The following SCFD2 variants were observed in gnomAD, a reference collection of about 807,000 sequenced individuals.
The protein encoded by SCFD2 is sec1 family domain-containing protein 2.
In SCFD2, 54 loss-of-function variants were observed where a neutral mutation model predicts 58.9. That is an observed-to-expected ratio of 0.92 (90% CI 0.74 to 1.15). The LOEUF is 1.15. SCFD2 is among the 50% of genes most tolerant of loss of function. The pLI is 0.00. For missense variants in SCFD2, 805 were observed against 836.6 expected (o/e 0.96, Z 0.47); for synonymous variants, 321 against 335.9 (o/e 0.96, Z 0.49).
At chr4:53,238,888 G>A (rs1435870073) in intron 4 of SCFD2, among the ~76,000 whole-genome samples, 56 of 139,342 alleles carry the variant, frequency 4.0e-4, no homozygotes, top group South Asian at 2.4e-3. Flanking sequence ...TGGGCAGCCA[G>A]GCAGAGGGGC....
chr4:53,028,182 G>T (rs896622451), intron 5 of SCFD2, among the ~76,000 whole-genome samples: 2 of 152,042 alleles, frequency 1.3e-5, no homozygotes, highest in African/African-American at 4.8e-5. Flanking sequence ...GGGAGGCGGA[G>T]GTTGCAGTGA....
At chr4:53,141,056 A>G (rs1353011171) in intron 5 of SCFD2, among the ~76,000 whole-genome samples, 1 of 152,224 alleles carries the variant, frequency 6.6e-6, no homozygotes, top group Admixed American at 6.5e-5. Context: ...CTGAAATCCT[A>G]AACATTGTAA....
At chr4:53,066,960 T>C (rs555285262) in intron 5 of SCFD2, among the ~76,000 whole-genome samples, 3 of 152,158 alleles carry the variant, frequency 2.0e-5, no homozygotes, top group African/African-American at 2.4e-5. Context: ...ATTCCTGCCA[T>C]TAAAACCCTA....
At chr4:53,173,821 A>G (rs917150800) in intron 4 of SCFD2, among the ~76,000 whole-genome samples, 2 of 152,154 alleles carry the variant, frequency 1.3e-5, no homozygotes, top group African/African-American at 4.8e-5. Flanking sequence ...ATAACTGCTT[A>G]ACTTTGATCA....
chr4:52,979,064 T>TTG (rs1224210483), intron 5 of SCFD2, among the ~76,000 whole-genome samples: 2 of 112,370 alleles, frequency 1.8e-5, no homozygotes, highest in Admixed American at 1.0e-4. Context: ...AGGCCTTTTT[T>TTG]TGGGGGGGGG....
rs149034746 is a variant in SCFD2, at chr4:52,873,994, C to T, written c.2030G>A (p.Arg677Gln). The change falls in exon 9 of 9, where the codon CGA becomes CAA. Residue 677 changes from arginine to glutamine, a missense_variant. Coordinates refer to ENST00000401642, the MANE Select transcript of SCFD2 (RefSeq NM_152540.4). ...TCAGAAGCCAAGGTCTGGATGCAGT[C>T]GGTCAGTTGCAAATAACAGCTCAGG... ...NIPELLFATD[R>Q]LHPDLGF The T allele has an allele frequency of 7.4e-5, 120 of 1,613,756 alleles. No individual in the cohort carries two copies. Among genetic ancestry groups the T allele is most frequent in the East Asian group, 1.1e-4 (5 of 44,872 alleles).
At chr4:53,107,745 A>G (rs993040472) in intron 5 of SCFD2, among the ~76,000 whole-genome samples, 2 of 152,246 alleles carry the variant, frequency 1.3e-5, no homozygotes, top group African/African-American at 4.8e-5. Context: ...ACAGATCTGC[A>G]AAGAGACTTA....
At chr4:53,044,067 C>T (rs1302431756) in intron 5 of SCFD2, among the ~76,000 whole-genome samples, 1 of 152,146 alleles carries the variant, frequency 6.6e-6, no homozygotes, top group Non-Finnish European at 1.5e-5. Flanking sequence ...CCATTGGCAT[C>T]CTCCTTAGCT....
At chr4:53,253,894 A>T (rs995194550) in intron 4 of SCFD2, among the ~76,000 whole-genome samples, 4 of 137,970 alleles carry the variant, frequency 2.9e-5, no homozygotes, top group African/African-American at 1.2e-4. Flanking sequence ...TATAATTATA[A>T]AAAAAAAAAA....
At chr4:52,952,039 CCA>C (rs1454259084) in intron 5 of SCFD2, among the ~76,000 whole-genome samples, 1 of 152,092 alleles carries the variant, frequency 6.6e-6, no homozygotes, top group Non-Finnish European at 1.5e-5. Context: ...GAGTGGCAGG[CCA>C]CAGAGTGATA....
chr4:53,268,566 G>A (rs1479600017), intron 4 of SCFD2, among the ~76,000 whole-genome samples: 1 of 152,184 alleles, frequency 6.6e-6, no homozygotes, highest in African/African-American at 2.4e-5. Context: ...TAGCAACTCG[G>A]CATAAAGTGT....
At chr4:52,981,181 G>A (rs1289959094) in intron 5 of SCFD2, among the ~76,000 whole-genome samples, 1 of 152,144 alleles carries the variant, frequency 6.6e-6, no homozygotes, top group Non-Finnish European at 1.5e-5. Context: ...CTGCTGATGA[G>A]AATAGTATAA....
Position 53,205,141 on chromosome 4 carries a change from A to G in SCFD2, c.1312-59559T>C, listed in dbSNP as rs73145377. On this transcript the variant is annotated intron_variant, in intron 4 of 8. Coordinates refer to ENST00000401642, the MANE Select transcript of SCFD2 (RefSeq NM_152540.4). Reference sequence around the variant, plus strand: ...CAGGGGATCCAACACAGGGTAGACGAAAAGGGAATCTGCAGAATGACAGTG... The same window carrying G: ...CAGGGGATCCAACACAGGGTAGACGGAAAGGGAATCTGCAGAATGACAGTG... 8.0e-3 allele frequency among the ~76,000 whole-genome samples: 1,216 copies of G among 152,246 alleles called. 26 individuals carry two copies. Among genetic ancestry groups the G allele is most frequent in the African/African-American group, 0.028 (1,150 of 41,496 alleles).
At chr4:53,215,327 A>C (rs912046172) in intron 4 of SCFD2, among the ~76,000 whole-genome samples, 23 of 151,848 alleles carry the variant, frequency 1.5e-4, no homozygotes, top group African/African-American at 2.7e-4. Flanking sequence ...CTTTTATTTC[A>C]TTGAGCAGTG....
intron 5 of SCFD2, among the ~76,000 whole-genome samples, chr4:52,979,798 C>T (rs1721334284): frequency 6.6e-6 from 1 of 151,998 alleles, no homozygotes; most frequent in African/African-American, 2.4e-5. Context: ...GAGTTGATTC[C>T]CCACCCCTCT....
intron 5 of SCFD2, among the ~76,000 whole-genome samples, chr4:53,046,157 C>G (rs879702897): frequency 2.6e-5 from 4 of 152,122 alleles, no homozygotes; most frequent in Non-Finnish European, 5.9e-5. Flanking sequence ...CTTTTCAAAA[C>G]AAATATTCAG....
intron 4 of SCFD2, among the ~76,000 whole-genome samples, chr4:53,248,782 AC>A (rs1730224891): frequency 6.6e-6 from 1 of 152,252 alleles, no homozygotes; most frequent in Non-Finnish European, 1.5e-5. Context: ...CAGAAAGGAC[AC>A]CCACACCAAA....
intron 4 of SCFD2, among the ~76,000 whole-genome samples, chr4:53,195,229 G>T (rs1477694327): frequency 2.0e-5 from 3 of 152,074 alleles, no homozygotes; most frequent in African/African-American, 4.8e-5. Context: ...ACTTAACATT[G>T]GCATGGCATA....
At chr4:52,958,822 A>AGCTC (rs1257800743) in intron 5 of SCFD2, among the ~76,000 whole-genome samples, 138 of 152,328 alleles carry the variant, frequency 9.1e-4, no homozygotes, top group African/African-American at 3.2e-3. Context: ...CTACAGGTAA[A>AGCTC]TACGTTTCAA....
Sources: allele counts gnomAD v4.1 joint callset (sites outside exome capture counted in the v4.1 genomes callset), GRCh38; gene constraint gnomAD v4.1.1; transcripts MANE v1.5; gene names NCBI Gene and HGNC (gene_info 2026-07-23, HGNC 2026-07-21).